SH3BP5: variants seen among roughly 807,000 people sequenced by gnomAD.
SH3BP5 encodes SH3 domain-binding protein 5.
A neutral mutation model predicts 43.3 loss-of-function variants in SH3BP5; 22 were observed. The observed-to-expected ratio is 0.51, with a 90% CI of 0.36 to 0.73. The LOEUF (loss-of-function observed/expected upper bound fraction) is 0.73. Among genes scored for constraint, SH3BP5 ranks in the 30% least tolerant of loss-of-function variants. SH3BP5 has a pLI of 0.00. For synonymous variants in SH3BP5, 255 were observed against 225.8 expected, an observed-to-expected ratio of 1.13 and a Z score of -1.16; for missense variants, 529 against 586.9, an observed-to-expected ratio of 0.90 and a Z score of 1.02.
At chr3:15,333,668 T>C (rs1228587447), upstream of SH3BP5, among the ~76,000 whole-genome samples, 1 of 152,108 alleles carries the variant, frequency 6.6e-6, no homozygotes, top group Non-Finnish European at 1.5e-5. Flanking sequence ...CTCCTGGTGG[T>C]TTTATCAGAA....
chr3:15,287,095 GATA>G (rs1447143485), intron 3 of SH3BP5, among the ~76,000 whole-genome samples: 1 of 152,170 alleles, frequency 6.6e-6, no homozygotes, highest in Non-Finnish European at 1.5e-5. Flanking sequence ...GCAAAACACA[GATA>G]ATAACAGAAC....
At chr3:15,328,876 T>C (rs1324760975) in intron 2 of SH3BP5, among the ~76,000 whole-genome samples, 1 of 152,218 alleles carries the variant, frequency 6.6e-6, no homozygotes, top group Non-Finnish European at 1.5e-5. Flanking sequence ...GAACATTCTA[T>C]GATGACAGCA....
chr3:15,291,661 G>A (rs1032496218), intron 3 of SH3BP5, among the ~76,000 whole-genome samples: 1 of 152,116 alleles, frequency 6.6e-6, no homozygotes, highest in South Asian at 2.1e-4. Context: ...AGTGTAAAGG[G>A]TGTAGTTCTG....
At chr3:15,329,456 C>A (rs1238657058) in intron 2 of SH3BP5, among the ~76,000 whole-genome samples, 1 of 152,162 alleles carries the variant, frequency 6.6e-6, no homozygotes, top group Non-Finnish European at 1.5e-5. Flanking sequence ...CTCTTGTATA[C>A]CTACGATGGA....
At chr3:15,333,634 T>C (rs890898734), upstream of SH3BP5, among the ~76,000 whole-genome samples, 1 of 152,094 alleles carries the variant, frequency 6.6e-6, no homozygotes, top group African/African-American at 2.4e-5. Flanking sequence ...GCCAGACCCC[T>C]TCTCAAATGA....
Position 15,330,537 on chromosome 3 carries a change from C to G in SH3BP5, c.168G>C (p.Thr56=), listed in dbSNP as rs1241234745. The G allele has an allele frequency of 6.2e-7, 1 of 1,611,610 alleles. No individual in the cohort carries two copies. The highest frequency in any genetic ancestry group is 8.5e-7 in the Non-Finnish European group (1 of 1,179,132). ...QGELEKLNQS[T]DDINRRETEL... ...CAGTCTCCCGTCTGTTGATATCATC[C>G]GTGGACTGATTTAACTTCTCCAGTT... is the stretch of plus-strand genomic sequence containing the variant. The change falls in exon 2 of 9, where the codon ACG becomes ACC. Residue 56 remains threonine (T), a synonymous_variant. Transcript: ENST00000383791.
chr3:15,270,920 C>A (rs1696778135), intron 3 of SH3BP5, among the ~76,000 whole-genome samples: 2 of 94,278 alleles, frequency 2.1e-5, no homozygotes, highest in African/African-American at 7.3e-5. Context: ...AGTGAGACTC[C>A]ATCTCAAAAA....
chr3:15,307,316 G>C (rs6801433), intron 2 of SH3BP5, among the ~76,000 whole-genome samples: 37 of 152,022 alleles, frequency 2.4e-4, no homozygotes, highest in Admixed American at 1.0e-3. Flanking sequence ...TTCTCCAGGG[G>C]AAGGGCCCAA....
In SH3BP5 at chr3:15,258,990, T is replaced by C; in HGVS notation, c.730A>G (p.Lys244Glu). The part of the protein sequence containing the change: ...AKLTLAKGEY[K>E]MALKNLEMIS... ...ATCTCCAGGTTCTTCAGGGCCATCT[T>C]GTACTCGCCTTTTGCCAGGGTCAGT... is the stretch of plus-strand genomic sequence containing the variant. The change falls in exon 7 of 9, where the codon AAG (lysine) becomes GAG (glutamate). Residue 244 changes from lysine (K) to glutamate (E), a missense_variant. Transcript: ENST00000383791. The C allele has an allele frequency of 6.2e-7, 1 of 1,614,228 alleles. No homozygotes were observed. The highest frequency in any genetic ancestry group is 8.5e-7 in the Non-Finnish European group (1 of 1,180,040).
chr3:15,327,650 C>G (rs928923831), intron 2 of SH3BP5, among the ~76,000 whole-genome samples: 2 of 152,210 alleles, frequency 1.3e-5, no homozygotes, highest in Non-Finnish European at 2.9e-5. Context: ...TCACCCCAAC[C>G]AAAAACGTAA....
chr3:15,290,470 G>A (rs528598616), intron 3 of SH3BP5, among the ~76,000 whole-genome samples: 2 of 148,108 alleles, frequency 1.4e-5, no homozygotes, highest in African/African-American at 5.0e-5. Flanking sequence ...AGGTTGCAGT[G>A]AGCCGAGATT....
intron 3 of SH3BP5, among the ~76,000 whole-genome samples, chr3:15,289,788 T>A (rs917873180): frequency 1.3e-5 from 2 of 152,108 alleles, no homozygotes; most frequent in Admixed American, 1.3e-4. Context: ...TTACACCTCA[T>A]GATTTCCTTC....
At chr3:15,309,801 C>T (rs1698003137) in intron 2 of SH3BP5, among the ~76,000 whole-genome samples, 1 of 152,080 alleles carries the variant, frequency 6.6e-6, no homozygotes, top group African/African-American at 2.4e-5. Context: ...ATAAATGAGG[C>T]TGTGCTGCCA....
intron 3 of SH3BP5, among the ~76,000 whole-genome samples, chr3:15,293,390 C>T (rs28657898): frequency 0.23 from 34,596 of 152,126 alleles, 6,888 homozygotes; most frequent in African/African-American, 0.54. Flanking sequence ...GATAAAGTGA[C>T]GGGGAAGAAG....
At chr3:15,341,268 T>C (rs1698762406) in exon 1 of SH3BP5, 1 of 152,488 alleles carries the variant, frequency 6.6e-6, no homozygotes, top group Non-Finnish European at 1.5e-5. Context: ...CCTCAGGGCT[T>C]CTGCTGTCTG....
intron 4 of SH3BP5, 108 bp from the exon 5 acceptor site, chr3:15,262,397 C>A: frequency 7.3e-7 from 1 of 1,362,390 alleles, no homozygotes; most frequent in Non-Finnish European, 9.9e-7. Context: ...CATGGTGACA[C>A]ATGTGTAATC....
rs1377060365 is a variant in SH3BP5 at position 15,268,000 on chromosome 3, A to G, written c.495+1713T>C. The stretch of plus-strand genomic sequence containing the variant: ...CTACCTTACATTTTGTCCTTTTCAT[A>G]TCTATCGGGCTTTGGCTTGTGAACT... On this transcript the variant is annotated intron_variant, in intron 4 of 8. Coordinates refer to ENST00000383791, the MANE Select transcript of SH3BP5 (RefSeq NM_004844.5). Among the ~76,000 whole-genome samples, 3 of 152,160 alleles carry G rather than the reference A, an allele frequency of 2.0e-5. No individual in the cohort carries two copies. The East Asian group carries it at 5.8e-4, about 29-fold the overall frequency.
intron 3 of SH3BP5, among the ~76,000 whole-genome samples, chr3:15,274,212 C>T (rs932828641): frequency 1.3e-5 from 2 of 151,702 alleles, no homozygotes; most frequent in Non-Finnish European, 2.9e-5. Context: ...CACCATTGCA[C>T]TCTAGCCTGG....
chr3:15,330,445 G>T, intron 2 of SH3BP5, 59 bp downstream of exon 2: 2 of 1,421,486 alleles, frequency 1.4e-6, no homozygotes, highest in Non-Finnish European at 2.0e-6. Flanking sequence ...AAATTAACCA[G>T]CCTTGTGCCG....
Sources: allele counts gnomAD v4.1 joint callset (sites outside exome capture counted in the v4.1 genomes callset), GRCh38; gene constraint gnomAD v4.1.1; transcripts MANE v1.5; gene names NCBI Gene and HGNC (gene_info 2026-07-23, HGNC 2026-07-21).